Variants in GRAMD1C observed in about 807,000 individuals in gnomAD.
GRAMD1C encodes GRAM domain containing 1C, also known as protein Aster-C.
In GRAMD1C, 89 loss-of-function variants were observed where a neutral mutation model predicts 97.8. The ratio of observed to expected loss-of-function variants is 0.91; its 90% confidence interval spans 0.77 to 1.09. The LOEUF is 1.09. Ranked by LOEUF, GRAMD1C falls within the 50% of genes least tolerant of loss-of-function variation. GRAMD1C has a pLI of 0.00. For synonymous variants in GRAMD1C, 256 were observed against 267.0 expected (o/e 0.96, Z 0.40); for missense variants, 740 against 766.4 (o/e 0.97, Z 0.41).
At chr3:113,922,711 A>G (rs8179898) in intron 10 of GRAMD1C, among the ~76,000 whole-genome samples, 19,401 of 152,098 alleles carry the variant, frequency 0.13, 1,548 homozygotes, top group South Asian at 0.21. Flanking sequence ...GGGTATTGTG[A>G]TGCCTCCAGC....
chr3:113,858,379 T>G (rs1934232996), intron 2 of GRAMD1C, among the ~76,000 whole-genome samples: 1 of 142,738 alleles, frequency 7.0e-6, no homozygotes, highest in South Asian at 2.3e-4. Context: ...ATTACAGGCA[T>G]GTAATCCCAG....
chr3:113,887,386 C>A (rs1935547265), intron 6 of GRAMD1C, among the ~76,000 whole-genome samples: 1 of 151,798 alleles, frequency 6.6e-6, no homozygotes, highest in Non-Finnish European at 1.5e-5. Context: ...GCCACCACAC[C>A]CAGCCCAAAA....
intron 13 of GRAMD1C, 40 bp from the exon 14 acceptor site, chr3:113,936,226 G>A: frequency 8.4e-7 from 1 of 1,184,012 alleles, no homozygotes; most frequent in Non-Finnish European, 1.2e-6. Flanking sequence ...TAGTTGAGGA[G>A]CTTTCCTCAC....
chr3:113,918,202 G>T (rs991974382), intron 10 of GRAMD1C, among the ~76,000 whole-genome samples: 10 of 152,108 alleles, frequency 6.6e-5, no homozygotes, highest in African/African-American at 2.4e-4. Flanking sequence ...GGATGCCTGA[G>T]ATATAAATCT....
intron 3 of GRAMD1C, among the ~76,000 whole-genome samples, chr3:113,872,529 G>T (rs1374598524): frequency 3.3e-5 from 5 of 150,466 alleles, no homozygotes; most frequent in African/African-American, 1.2e-4. Context: ...CGAGTAGCTG[G>T]GATTACAGGC....
intron 7 of GRAMD1C, among the ~76,000 whole-genome samples, chr3:113,902,049 A>G (rs1350233783): frequency 6.6e-6 from 1 of 152,198 alleles, no homozygotes; most frequent in Non-Finnish European, 1.5e-5. Flanking sequence ...GTTAGTGGTG[A>G]TGGTTGCCCA....
intron 7 of GRAMD1C, among the ~76,000 whole-genome samples, chr3:113,903,726 C>T (rs1388180507): frequency 6.6e-6 from 1 of 151,638 alleles, no homozygotes; most frequent in Non-Finnish European, 1.5e-5. Flanking sequence ...GCCATTTCAG[C>T]TGAGACTGAG....
At chr3:113,888,634 CTATTTGTTAAT>C (rs1157221231) in intron 6 of GRAMD1C, among the ~76,000 whole-genome samples, 1 of 152,106 alleles carries the variant, frequency 6.6e-6, no homozygotes, top group Non-Finnish European at 1.5e-5. Context: ...TGTACCATTC[CTATTTGTTAAT>C]TATACTTCAG....
At chr3:113,920,026 A>G in intron 10 of GRAMD1C, 9 of 797,920 alleles carry the variant, frequency 1.1e-5, no homozygotes, top group Non-Finnish European at 1.7e-5. Flanking sequence ...AAGTTTCAGT[A>G]AGGTACTTTT....
chr3:113,900,447 G>T (rs1314941279), intron 6 of GRAMD1C, among the ~76,000 whole-genome samples: 4 of 100,008 alleles, frequency 4.0e-5, no homozygotes, highest in African/African-American at 1.4e-4. Flanking sequence ...TTGAGATGGA[G>T]TCTCGCTCTG....
At chr3:113,920,241 T>A in intron 10 of GRAMD1C, 3 of 967,676 alleles carry the variant, frequency 3.1e-6, no homozygotes, top group Non-Finnish European at 4.6e-6. Flanking sequence ...CAAATTCCTG[T>A]AACCATTGAG....
In GRAMD1C at chr3:113,933,516, G is replaced by A. The variant is rs765208975; in HGVS notation, c.1215G>A (p.Leu405=). 6.2e-7 allele frequency: 1 copy of A among 1,609,282 alleles called. No individual in the cohort carries two copies. Among genetic ancestry groups the A allele is most frequent in the South Asian group, 1.1e-5 (1 of 90,954 alleles). The change falls in exon 12 of 18, where the codon CTG becomes CTA. Residue 405 remains leucine, a synonymous_variant. Transcript: ENST00000358160. ...TTTTTATCTTACTTTGGCAGACACT[G>A]TATAAAGAAAGTCGGGAAGCACGAT... is the stretch of plus-strand genomic sequence containing the variant. ...KCTAATEKQT[L]YKESREARFY...
In GRAMD1C at chr3:113,936,340, A is replaced by G; in HGVS notation, c.1531A>G (p.Arg511Gly). The change falls in exon 14 of 18, where the codon AGG (arginine) becomes GGG (glycine). Residue 511 changes from arginine to glycine, a missense_variant. Transcript: ENST00000358160. ...CCCTGGAAAACTTACTGGCCTACGA[A>G]GGAGAAGGCGAACCTTCAACCGAAC... ...EDPGKLTGLR[R>G]RRRTFNRTAE... is the part of the protein sequence containing the mutation. 1 of 1,611,432 alleles carries G rather than the reference A, an allele frequency of 6.2e-7. No individual in the cohort carries two copies. Among genetic ancestry groups the G allele is most frequent in the Non-Finnish European group, 8.5e-7 (1 of 1,177,538 alleles).
rs751726430 is a variant in GRAMD1C, at chr3:113,940,266, C to A, written c.1829C>A (p.Ala610Glu). The change falls in exon 17 of 18, where the codon GCA becomes GAA. Residue 610 changes from alanine (A) to glutamate (E), a missense_variant. Transcript: ENST00000358160. The stretch of plus-strand genomic sequence containing the variant: ...TTAGCCTCTGATATGGTGTCAAGAG[C>A]AGAAACTATTCAGAAGAATAAAGAT... ...LNLASDMVSRAETIQKNKDQA... is the reference protein window; with the variant it reads ...LNLASDMVSREETIQKNKDQA... The A allele has an allele frequency of 1.2e-6, 2 of 1,606,254 alleles. No homozygotes were observed. The highest frequency in any genetic ancestry group is 2.2e-5 in the South Asian group (2 of 90,924).
chr3:113,908,220 A>G (rs1260303551), intron 8 of GRAMD1C, among the ~76,000 whole-genome samples: 2 of 152,202 alleles, frequency 1.3e-5, no homozygotes, highest in Non-Finnish European at 2.9e-5. Context: ...GACTTTTTGT[A>G]CTATTCCACT....
chr3:113,904,354 T>C (rs1184161505), intron 8 of GRAMD1C, 82 bp downstream of exon 8: 7 of 988,656 alleles, frequency 7.1e-6, no homozygotes, highest in Non-Finnish European at 9.0e-6. Flanking sequence ...GGATACAGTA[T>C]ACAAAATGTT....
chr3:113,906,898 C>T (rs1163585065), intron 8 of GRAMD1C, among the ~76,000 whole-genome samples: 1 of 152,138 alleles, frequency 6.6e-6, no homozygotes, highest in Non-Finnish European at 1.5e-5. Context: ...ACAAGTACTT[C>T]CCACTGTGTT....
chr3:113,913,270 A>G (rs1936674039), intron 9 of GRAMD1C: 2 of 385,144 alleles, frequency 5.2e-6, no homozygotes, highest in Non-Finnish European at 9.9e-6. Flanking sequence ...CGCGCTTGTA[A>G]TCCCAGCACT....
At chr3:113,912,982 G>T in intron 9 of GRAMD1C, 1 of 312,024 alleles carries the variant, frequency 3.2e-6, no homozygotes, top group Non-Finnish European at 6.0e-6. Context: ...TAAGATCCTT[G>T]CCATTGAAGT....
Sources: gnomAD v4.1 joint callset for allele counts (sites outside exome capture counted in the v4.1 genomes callset) on GRCh38, gnomAD v4.1.1 for gene constraint, MANE v1.5 for transcripts, NCBI Gene and HGNC (gene_info 2026-07-23, HGNC 2026-07-21) for gene names.